Variants in EPHB2 observed in about 807,000 individuals in gnomAD.
The protein encoded by EPHB2 is ephrin type-B receptor 2.
A neutral mutation model predicts 96.4 loss-of-function variants in EPHB2; 18 were observed. The ratio of observed to expected loss-of-function variants is 0.19; its 90% CI spans 0.13 to 0.28. EPHB2 has a LOEUF of 0.28. Among genes scored for constraint, EPHB2 ranks in the 10% least tolerant of loss-of-function variants. The pLI, the probability that EPHB2 is intolerant of heterozygous loss-of-function variation, is 1.00. For synonymous variants in EPHB2, 506 were observed against 534.1 expected, an observed-to-expected ratio of 0.95 and a Z score of 0.72; for missense variants, 989 against 1,355.4, an observed-to-expected ratio of 0.73 and a Z score of 4.25.
Position 22,862,539 on chromosome 1 carries a change from C to T in EPHB2, c.812-498C>T, listed in dbSNP as rs769809269. Among the ~76,000 whole-genome samples, 6 of 152,312 alleles carry T rather than the reference C, an allele frequency of 3.9e-5. No individual in the cohort carries two copies. The East Asian group carries it at 9.6e-4, about 24-fold the overall frequency. The stretch of plus-strand genomic sequence containing the variant: ...GCCTAGCCAGTACTCAAAGCCAGGT[C>T]GGTCTTATTCCAAAAGTAGTGTCCT... On this transcript the variant is annotated intron_variant, in intron 3 of 15. Transcript: ENST00000374630.
intron 5 of EPHB2, among the ~76,000 whole-genome samples, chr1:22,866,198 T>G (rs1013642676): frequency 7.2e-5 from 11 of 152,150 alleles, no homozygotes; most frequent in African/African-American, 2.7e-4. Context: ...GCCCCTCAGT[T>G]ATTCACTCAG....
chr1:22,757,440 A>G (rs1049708701), intron 1 of EPHB2, among the ~76,000 whole-genome samples: 19 of 152,224 alleles, frequency 1.2e-4, no homozygotes, highest in African/African-American at 4.6e-4. Context: ...AGAAGCTAAG[A>G]GCAGACTCTG....
chr1:22,775,427 C>T (rs896182896), intron 1 of EPHB2, among the ~76,000 whole-genome samples: 12 of 152,248 alleles, frequency 7.9e-5, no homozygotes, highest in Non-Finnish European at 1.2e-4. Context: ...GTCATTAGTG[C>T]AGACAAACAG....
intron 3 of EPHB2, among the ~76,000 whole-genome samples, chr1:22,814,476 G>GAA (rs1645045274): frequency 6.6e-6 from 1 of 152,078 alleles, no homozygotes. Context: ...AAGTGGGGGG[G>GAA]TGCAAATGGA....
chr1:22,852,095 T>A (rs561330465), intron 3 of EPHB2, among the ~76,000 whole-genome samples: 1 of 152,276 alleles, frequency 6.6e-6, no homozygotes, highest in South Asian at 2.1e-4. Flanking sequence ...ATCATATTCT[T>A]CCTCCCAGAG....
chr1:22,806,609 G>A (rs1004632995), intron 3 of EPHB2, among the ~76,000 whole-genome samples: 17 of 152,176 alleles, frequency 1.1e-4, no homozygotes, highest in African/African-American at 3.9e-4. Context: ...GTCCTACTGC[G>A]TGTGCTTGGC....
At position 22,799,606 on chromosome 1, in the gene EPHB2, A is replaced by T. The variant is rs547215727; in HGVS notation, c.811+14530A>T. 5.9e-5 allele frequency among the ~76,000 whole-genome samples: 9 copies of T among 152,266 alleles called. No individual in the cohort carries two copies. In the South Asian group the frequency reaches 1.7e-3, roughly 28 times the overall value. ...GACACAGCCTGGCCCCTGCGATCTA[A>T]ATGCTCGAAGTCATGACCATCCCCT... On this transcript the variant is annotated intron_variant, in intron 3 of 15. Transcript: ENST00000374630.
At chr1:22,863,288 G>A in intron 4 of EPHB2, 96 bp downstream of exon 4, 1 of 1,582,086 alleles carries the variant, frequency 6.3e-7, no homozygotes. Context: ...TCCGGTTACA[G>A]CCAGTCTTTC....
chr1:22,905,996 G>A lies in EPHB2; in HGVS notation c.1775G>A (p.Gly592Asp). The change falls in exon 10 of 16, where the codon GGC becomes GAC. Residue 592 changes from glycine (G) to aspartate (D), a missense_variant. Transcript: ENST00000374630. ...QHYTSGHMTP[G>D]MKIYIDPFTY... The stretch of plus-strand genomic sequence containing the variant: ...TGGTCTTGTCCCCCAGTGACCCCAG[G>A]CATGAAGATCTACATCGATCCTTTC... 1.9e-6 allele frequency: 3 copies of A among 1,614,044 alleles called. No individual in the cohort carries two copies. Among genetic ancestry groups the A allele is most frequent in the Non-Finnish European group, 2.5e-6 (3 of 1,180,004 alleles).
At chr1:22,848,457 A>G (rs953343843) in intron 3 of EPHB2, among the ~76,000 whole-genome samples, 1 of 152,206 alleles carries the variant, frequency 6.6e-6, no homozygotes, top group Non-Finnish European at 1.5e-5. Context: ...TACCAGGAGG[A>G]TGCTGGCTGT....
At chr1:22,778,881 G>A (rs889605672) in intron 1 of EPHB2, among the ~76,000 whole-genome samples, 1 of 152,236 alleles carries the variant, frequency 6.6e-6, no homozygotes, top group African/African-American at 2.4e-5. Context: ...CCACCCGTAC[G>A]ATGAGGATGT....
chr1:22,732,919 C>T (rs949947831), intron 1 of EPHB2, among the ~76,000 whole-genome samples: 10 of 152,142 alleles, frequency 6.6e-5, no homozygotes, highest in African/African-American at 2.2e-4. Context: ...AAGAATGAGA[C>T]GCATAACACA....
At position 22,781,495 on chromosome 1, in the gene EPHB2, T is replaced by G; in HGVS notation, c.126+10T>G. The stretch of plus-strand genomic sequence containing the variant: ...GCATCCTCCATCAGGGGTGAGTCAG[T>G]GGTCCCCAAACCTTGCATTGGTCCC... On this transcript the variant is annotated intron_variant, in intron 2 of 15. Coordinates refer to ENST00000374630, the MANE Select transcript of EPHB2 (RefSeq NM_017449.5). 6.2e-7 allele frequency: 1 copy of G among 1,613,898 alleles called. No homozygotes were observed. The highest frequency in any genetic ancestry group is 8.5e-7 in the Non-Finnish European group (1 of 1,179,906).
At chr1:22,766,573 C>G (rs1177224033) in intron 1 of EPHB2, among the ~76,000 whole-genome samples, 1 of 152,086 alleles carries the variant, frequency 6.6e-6, no homozygotes, top group Non-Finnish European at 1.5e-5. Flanking sequence ...ATTTACTATT[C>G]CCATTTCCCA....
intron 6 of EPHB2, among the ~76,000 whole-genome samples, chr1:22,886,816 G>A (rs1250063846): frequency 6.6e-6 from 1 of 151,830 alleles, no homozygotes; most frequent in Non-Finnish European, 1.5e-5. Flanking sequence ...AGTAGAGACG[G>A]GGTTTCTCCA....
In EPHB2 at chr1:22,790,155, G is replaced by A. The variant is rs1183237557; in HGVS notation, c.811+5079G>A. Among the ~76,000 whole-genome samples, 1 of 152,188 alleles carries A rather than the reference G, an allele frequency of 6.6e-6. No homozygotes were observed. The highest frequency in any genetic ancestry group is 1.5e-5 in the Non-Finnish European group (1 of 68,034). On this transcript the variant is annotated intron_variant, in intron 3 of 15. Coordinates refer to ENST00000374630, the MANE Select transcript of EPHB2 (RefSeq NM_017449.5). The surrounding 1 kb of genome is among the most constrained non-coding windows in gnomAD (Gnocchi z 4.0). ...TAGGATTTGGATGGGTGAAGGTAGG[G>A]AGGAAGGGAATTGTAGGCAGAGAGA... is the stretch of plus-strand genomic sequence containing the variant.
At chr1:22,847,186 C>G (rs761258877) in intron 3 of EPHB2, among the ~76,000 whole-genome samples, 3 of 152,204 alleles carry the variant, frequency 2.0e-5, no homozygotes, top group African/African-American at 4.8e-5. Flanking sequence ...CTTATTAACT[C>G]CAAGTCTTCA....
At chr1:22,752,480 CAAAG>C (rs548891269) in intron 1 of EPHB2, among the ~76,000 whole-genome samples, 177 of 147,598 alleles carry the variant, frequency 1.2e-3, no homozygotes, top group African/African-American at 4.1e-3. Flanking sequence ...GACCCTGCCT[CAAAG>C]AAAGAATAAT....
In EPHB2 at chr1:22,864,894, C is replaced by G; in HGVS notation, c.985C>G (p.Gln329Glu). ...CGCCCCAGCCATCCCCTCCGCGCCC[C>G]AGGCTGTGATTTCCAGTGTCAATGA... ...MPCTTIPSAP[Q>E]AVISSVNETS... The change falls in exon 5 of 16, where the codon CAG becomes GAG. Residue 329 changes from glutamine to glutamate, a missense_variant. Coordinates refer to ENST00000374630, the MANE Select transcript of EPHB2 (RefSeq NM_017449.5). The G allele has an allele frequency of 6.2e-7, 1 of 1,608,338 alleles. No homozygotes were observed. The highest frequency in any genetic ancestry group is 8.5e-7 in the Non-Finnish European group (1 of 1,177,564).
Sources: gnomAD v4.1 joint callset for allele counts (sites outside exome capture counted in the v4.1 genomes callset) on GRCh38, gnomAD v4.1.1 for gene constraint, Gnocchi (gnomAD v3.1) non-coding constraint, MANE v1.5 for transcripts, NCBI Gene and HGNC (gene_info 2026-07-23, HGNC 2026-07-21) for gene names.